The following SNX8 variants were observed in gnomAD, a reference collection of about 807,000 sequenced individuals.
The protein encoded by SNX8 is sorting nexin-8.
Under a neutral mutation model 51.6 loss-of-function variants are expected in SNX8, and 25 were observed. The ratio of observed to expected loss-of-function variants is 0.48; its 90% CI spans 0.35 to 0.68. SNX8 has a LOEUF of 0.68. Ranked by LOEUF, SNX8 falls within the 30% of genes least tolerant of loss-of-function variation. SNX8 has a pLI of 0.00. For missense variants in SNX8, 695 were observed against 624.0 expected, an observed-to-expected ratio of 1.11 and a Z score of -1.21; for synonymous variants, 324 against 277.0, an observed-to-expected ratio of 1.17 and a Z score of -1.68.
chr7:2,332,203 T>C (rs1343642817), intron 1 of SNX8, among the ~76,000 whole-genome samples: 1 of 150,878 alleles, frequency 6.6e-6, no homozygotes, highest in Non-Finnish European at 1.5e-5. Context: ...CCATAGGCTG[T>C]CTCAGAAAAA....
chr7:2,269,604 G>T lies in SNX8; in HGVS notation c.576C>A (p.Cys192Ter), dbSNP rs945825819. The change falls in exon 5 of 11, where the codon TGC becomes TGA. Residue 192 changes from cysteine to a stop codon, truncating the protein, a stop_gained. Coordinates refer to ENST00000222990, the MANE Select transcript of SNX8 (RefSeq NM_013321.4). LOFTEE classifies it high-confidence loss of function. ...TACAGTTCAGGAATTCGTCCCCGAC[G>T]CACTGTGCTGACTCCTTTAACTTGT... ...VQNKLKESAQ[C>*]VGDEFLNCKL... 1 of 1,599,588 alleles carries T rather than the reference G, an allele frequency of 6.3e-7. No individual in the cohort carries two copies.
intron 5 of SNX8, among the ~76,000 whole-genome samples, chr7:2,268,710 G>A (rs1270824441): frequency 2.0e-4 from 4 of 19,974 alleles, no homozygotes; most frequent in African/African-American, 3.7e-4. Context: ...CAGCCGCCCC[G>A]TCCGGGAGGG....
chr7:2,252,090 G>C lies in SNX8; in HGVS notation c.*2966C>G, dbSNP rs1256339300. 1 of 152,080 alleles carries C rather than the reference G, an allele frequency of 6.6e-6. No individual in the cohort carries two copies. Among genetic ancestry groups the C allele is most frequent in the East Asian group, 1.9e-4 (1 of 5,180 alleles). 9.4% of individuals were successfully genotyped at this position (152,080 alleles called of 1,614,324 possible). ...CGGACCACGAGGACCCAATGAAAAT[G>C]TCCCCTTTCACCATGATCGGCAGCC... On this transcript the variant is annotated 3_prime_UTR_variant, in exon 11 of 11. Transcript: ENST00000222990.
chr7:2,269,894 C>T (rs914769944), intron 4 of SNX8, among the ~76,000 whole-genome samples: 4 of 152,160 alleles, frequency 2.6e-5, no homozygotes, highest in African/African-American at 9.7e-5. Context: ...CCACTCCATC[C>T]GCAGACGGGG....
At chr7:2,336,832 C>G (rs374118168) in intron 1 of SNX8, among the ~76,000 whole-genome samples, 1 of 150,006 alleles carries the variant, frequency 6.7e-6, no homozygotes, top group African/African-American at 2.5e-5. Flanking sequence ...CATGGTGAAA[C>G]CTCATCTCTA....
chr7:2,279,297 A>AGCCGGACTCACTCACACTACGGAGTCGAC (rs1795856568), intron 1 of SNX8, among the ~76,000 whole-genome samples: 1 of 92,096 alleles, frequency 1.1e-5, no homozygotes, highest in Non-Finnish European at 2.3e-5. Flanking sequence ...ACGGAGTCGA[A>AGCCGGACTCACTCACACTACGGAGTCGAC]GCCGGACTCA....
chr7:2,350,244 G>A (rs1315304659), intron 1 of SNX8, among the ~76,000 whole-genome samples: 1 of 152,130 alleles, frequency 6.6e-6, no homozygotes, highest in Non-Finnish European at 1.5e-5. Flanking sequence ...AGAAAACTGA[G>A]GCCTAGAGAC....
chr7:2,346,087 G>A lies in SNX8; in HGVS notation c.-66+8135C>T, dbSNP rs544850543. Among the ~76,000 whole-genome samples, 5 of 152,132 alleles carry A rather than the reference G, an allele frequency of 3.3e-5. No individual in the cohort carries two copies. In the East Asian group the frequency reaches 5.8e-4, roughly 18 times the overall value. On this transcript the variant is annotated intron_variant, in intron 1 of 5. Transcript: ENST00000435336. ...CTCCCAAAGTGCTGGGATTACAGGC[G>A]TGAGCCACCACACCCAGCCTATTTC...
chr7:2,291,717 C>A (rs1211371618), intron 1 of SNX8, among the ~76,000 whole-genome samples: 4 of 152,194 alleles, frequency 2.6e-5, no homozygotes, highest in Admixed American at 2.0e-4. Context: ...GTTCAAACCC[C>A]ACTTCAACAA....
chr7:2,313,666 C>A (rs759071901), intron 1 of SNX8, among the ~76,000 whole-genome samples: 4 of 151,536 alleles, frequency 2.6e-5, no homozygotes, highest in Non-Finnish European at 4.4e-5. Context: ...AGCTCCAGAC[C>A]AGCCTGGACA....
intron 1 of SNX8, among the ~76,000 whole-genome samples, chr7:2,296,117 CGTT>C (rs1362419955): frequency 6.6e-6 from 1 of 152,064 alleles, no homozygotes; most frequent in Non-Finnish European, 1.5e-5. Context: ...TGAAAAATGA[CGTT>C]GGTATCTTGG....
chr7:2,330,138 C>CTT (rs71023396), intron 1 of SNX8, among the ~76,000 whole-genome samples: 3 of 107,056 alleles, frequency 2.8e-5, no homozygotes, highest in African/African-American at 1.1e-4. Context: ...GCCCTTTTTT[C>CTT]TTTTTTTTTT....
intron 2 of SNX8, among the ~76,000 whole-genome samples, chr7:2,277,394 C>T (rs1050634719): frequency 6.6e-6 from 1 of 152,136 alleles, no homozygotes; most frequent in Non-Finnish European, 1.5e-5. Context: ...GTTTGGGGTC[C>T]GGAGTCGATG....
In SNX8 at chr7:2,268,902, T is replaced by TG. The variant is rs751611328; in HGVS notation, c.621+656dup. Among the ~76,000 whole-genome samples, 33 of 33,636 alleles carry TG rather than the reference T, an allele frequency of 9.8e-4. 1 individual carries two copies. The highest frequency in any genetic ancestry group is 4.6e-3 in the East Asian group (6 of 1,310). 22.1% of individuals were successfully genotyped at this position (33,636 alleles called of 152,430 possible). The stretch of plus-strand genomic sequence containing the variant: ...CCAGCCGCCCCGTCCGGGAGGGAGG[T>TG]GGGGGGGGGTCAGCCCCCCTGCCTG... On this transcript the variant is annotated intron_variant, in intron 5 of 10. Coordinates refer to ENST00000222990, the MANE Select transcript of SNX8 (RefSeq NM_013321.4).
At chr7:2,258,060 GA>G (rs1244603252) in intron 7 of SNX8, among the ~76,000 whole-genome samples, 1 of 149,352 alleles carries the variant, frequency 6.7e-6, no homozygotes, top group Non-Finnish European at 1.5e-5. Context: ...GCCCAGGCTG[GA>G]ATGCAGTGGC....
chr7:2,318,710 A>T (rs1025553212), upstream of SNX8, among the ~76,000 whole-genome samples: 5 of 151,496 alleles, frequency 3.3e-5, no homozygotes, highest in Admixed American at 6.6e-5. Context: ...AAAAAAAAAA[A>T]TTTAAAATTA....
intron 1 of SNX8, among the ~76,000 whole-genome samples, chr7:2,338,929 C>A (rs574377008): frequency 6.6e-6 from 1 of 151,980 alleles, no homozygotes; most frequent in Non-Finnish European, 1.5e-5. Flanking sequence ...TTTATTTTTC[C>A]GAGACAAGAT....
intron 1 of SNX8, among the ~76,000 whole-genome samples, chr7:2,334,685 G>C (rs549531647): frequency 2.0e-5 from 3 of 151,958 alleles, no homozygotes; most frequent in Non-Finnish European, 2.9e-5. Context: ...GGGTGACAGA[G>C]AGAGACTCGG....
intron 1 of SNX8, among the ~76,000 whole-genome samples, chr7:2,307,371 G>A (rs941430212): frequency 1.3e-5 from 2 of 151,802 alleles, no homozygotes; most frequent in Non-Finnish European, 2.9e-5. Flanking sequence ...AGTGGCTCAC[G>A]CCTGTAATCC....
Sources: gnomAD v4.1 joint callset for allele counts (sites outside exome capture counted in the v4.1 genomes callset) on GRCh38, gnomAD v4.1.1 for gene constraint, MANE v1.5 for transcripts, NCBI Gene and HGNC (gene_info 2026-07-23, HGNC 2026-07-21) for gene names.